CCNYL1: variants seen among roughly 807,000 people sequenced by gnomAD.
CCNYL1 encodes the protein cyclin-Y-like protein 1.
In CCNYL1, 16 loss-of-function variants were observed where a neutral mutation model predicts 44.2. That is an observed-to-expected ratio of 0.36 (90% CI 0.25 to 0.55). The LOEUF is 0.55. CCNYL1 is among the 20% of genes least tolerant of loss of function. The probability of loss-of-function intolerance (pLI) is 0.85; values close to 1 mark genes in which losing one functional copy is unlikely to be tolerated. For synonymous variants in CCNYL1, 159 were observed against 163.2 expected, an observed-to-expected ratio of 0.97 and a Z score of 0.20; for missense variants, 348 against 451.8, an observed-to-expected ratio of 0.77 and a Z score of 2.08.
rs1249237289 is a variant in CCNYL1 at position 207,755,058 on chromosome 2, A to G, written c.*1360A>G. 2.0e-5 allele frequency: 3 copies of G among 151,886 alleles called. No individual in the cohort carries two copies. Among genetic ancestry groups the G allele is most frequent in the Non-Finnish European group, 4.4e-5 (3 of 68,020 alleles). The allele number at this position is 151,886 out of a possible 1,614,324, so 9.4% of individuals were successfully genotyped here. A position where few individuals can be genotyped will look rare whatever the true frequency, so the allele number is the denominator to read the frequency against. ...ACCTGGACAACGTTATCAAGACCCC[A>G]TCTCTTAGAAAAATGCAAAATTAAA... On this transcript the variant is annotated 3_prime_UTR_variant, in exon 10 of 10. Transcript: ENST00000295414.
At position 207,737,800 on chromosome 2, in the gene CCNYL1, A is replaced by G. The variant is rs188954510; in HGVS notation, c.467+354A>G. Reference sequence around the variant, plus strand: ...GGGACTGTCCTGTGTATTGTAGGATATTTAACAGCTGTCCCAGGTTGTGAC... The same window carrying G: ...GGGACTGTCCTGTGTATTGTAGGATGTTTAACAGCTGTCCCAGGTTGTGAC... On this transcript the variant is annotated intron_variant, in intron 5 of 9. Transcript: ENST00000295414. Among the ~76,000 whole-genome samples the G allele has an allele frequency of 3.9e-5, 6 of 152,332 alleles. 1 individual carries two copies. Among genetic ancestry groups the G allele is most frequent in the African/African-American group, 1.4e-4 (6 of 41,568 alleles).
Position 207,742,078 on chromosome 2 carries a change from G to T in CCNYL1, c.520-145G>T, listed in dbSNP as rs561639712. On this transcript the variant is annotated intron_variant, in intron 6 of 9. Transcript: ENST00000295414. The stretch of plus-strand genomic sequence containing the variant: ...AGGCAGGAGAATCACTTAAACCCGG[G>T]GGGTAGAGGTTGCAGTGAGCCAAGA... 2.3e-4 allele frequency: 145 copies of T among 643,760 alleles called. 1 individual carries two copies. The highest frequency in any genetic ancestry group is 1.9e-3 in the South Asian group (75 of 40,434). 39.9% of individuals were successfully genotyped at this position (643,760 alleles called of 1,614,324 possible).
chr2:207,745,973 C>T (rs1559172494), intron 7 of CCNYL1, among the ~76,000 whole-genome samples: 1 of 152,164 alleles, frequency 6.6e-6, no homozygotes, highest in Non-Finnish European at 1.5e-5. Flanking sequence ...CATACTCTTC[C>T]ACAGAGAACC....
At chr2:207,750,359 G>A (rs1475801416) in intron 8 of CCNYL1, among the ~76,000 whole-genome samples, 2 of 152,190 alleles carry the variant, frequency 1.3e-5, no homozygotes, top group South Asian at 2.1e-4. Flanking sequence ...AGCCTCATGC[G>A]CCGGGACAGG....
In CCNYL1 at chr2:207,740,584, C is replaced by A. The variant is rs557313851; in HGVS notation, c.468-71C>A. On this transcript the variant is annotated intron_variant, in intron 5 of 9. Coordinates refer to ENST00000295414, the MANE Select transcript of CCNYL1 (RefSeq NM_001330218.2). ...AAACAGGAGGCATCTCCCGCCACCC[C>A]CAGCAGACATTTTACTCAGATATTA... The A allele has an allele frequency of 7.5e-5, 79 of 1,047,812 alleles. No individual in the cohort carries two copies. In the East Asian group the frequency reaches 1.8e-3, roughly 24 times the overall value. 64.9% of individuals were successfully genotyped at this position (1,047,812 alleles called of 1,614,324 possible).
intron 7 of CCNYL1, among the ~76,000 whole-genome samples, chr2:207,744,212 A>T (rs1039172669): frequency 6.7e-6 from 1 of 149,642 alleles, no homozygotes; most frequent in African/African-American, 2.5e-5. Context: ...AAGTGCCAAG[A>T]CTAGACAGGA....
At chr2:207,726,180 A>G (rs2091679133) in intron 2 of CCNYL1, among the ~76,000 whole-genome samples, 1 of 152,226 alleles carries the variant, frequency 6.6e-6, no homozygotes, top group Non-Finnish European at 1.5e-5. Context: ...GAGGCAGTAT[A>G]GGAAACAAAG....
rs1031932015 is a variant in CCNYL1 at position 207,711,790 on chromosome 2, G to A, written c.-107G>A. On this transcript the variant is annotated 5_prime_UTR_variant, in exon 1 of 10. Coordinates refer to ENST00000295414, the MANE Select transcript of CCNYL1 (RefSeq NM_001330218.2). ...GCGCGGTGCAGCCCCAGCGTAGCCC[G>A]GGGCTGCCGGTGCCGGCCGCGCCAT... The A allele has an allele frequency of 6.4e-5, 46 of 719,498 alleles. No individual in the cohort carries two copies. The highest frequency in any genetic ancestry group is 8.8e-5 in the Non-Finnish European group (44 of 498,362). 44.6% of individuals were successfully genotyped at this position (719,498 alleles called of 1,614,324 possible).
At chr2:207,727,792 C>T (rs2091691814) in intron 3 of CCNYL1, among the ~76,000 whole-genome samples, 1 of 152,124 alleles carries the variant, frequency 6.6e-6, no homozygotes, top group Non-Finnish European at 1.5e-5. Context: ...TGGGATCTCA[C>T]ATAACTGTCC....
chr2:207,747,022 C>T (rs1559172775), intron 7 of CCNYL1, 25 bp from the exon 8 acceptor site: 1 of 1,531,096 alleles, frequency 6.5e-7, no homozygotes, highest in Non-Finnish European at 8.9e-7. Flanking sequence ...GAACTAAAAT[C>T]AAAGACCAGT....
chr2:207,712,205 G>T (rs2091554445), intron 1 of CCNYL1, 89 bp downstream of exon 1: 3 of 1,131,210 alleles, frequency 2.7e-6, no homozygotes, highest in Non-Finnish European at 3.7e-6. Flanking sequence ...CGCCGCCTCG[G>T]GCTCCTTCCT....
chr2:207,720,958 C>T (rs1313504118), intron 1 of CCNYL1, among the ~76,000 whole-genome samples: 1 of 147,288 alleles, frequency 6.8e-6, no homozygotes, highest in East Asian at 2.1e-4. Flanking sequence ...CATGAGTGAG[C>T]ATGAGACTGG....
In CCNYL1 at chr2:207,727,365, C is replaced by T. The variant is rs144611301; in HGVS notation, c.330+489C>T. 1.7e-4 allele frequency among the ~76,000 whole-genome samples: 26 copies of T among 152,142 alleles called. No individual in the cohort carries two copies. In the East Asian group the frequency reaches 4.8e-3, roughly 28 times the overall value. On this transcript the variant is annotated intron_variant, in intron 3 of 9. Coordinates refer to ENST00000295414, the MANE Select transcript of CCNYL1 (RefSeq NM_001330218.2). ...ATGATTATACAGATATTATTCACTGCTGAGTCATATATTATTCTCACTGTC... is the reference window on the plus strand; with the variant it reads ...ATGATTATACAGATATTATTCACTGTTGAGTCATATATTATTCTCACTGTC...
chr2:207,725,550 T>G (rs576380511), intron 2 of CCNYL1, among the ~76,000 whole-genome samples: 4 of 152,236 alleles, frequency 2.6e-5, no homozygotes, highest in Non-Finnish European at 5.9e-5. Flanking sequence ...CAACAAAAAA[T>G]CAGTTCGTAT....
Position 207,751,225 on chromosome 2 carries a change from T to C in CCNYL1, c.969+106T>C, listed in dbSNP as rs1252014415. On this transcript the variant is annotated intron_variant, in intron 9 of 9. Coordinates refer to ENST00000295414, the MANE Select transcript of CCNYL1 (RefSeq NM_001330218.2). ...ATTAGGAAAATGGAAAGCTTTAAAA[T>C]TAACTAACACTGAAGAGCTTATTAG... is the stretch of plus-strand genomic sequence containing the variant. 7.1e-6 allele frequency: 7 copies of C among 992,430 alleles called. No homozygotes were observed. The East Asian group carries it at 1.5e-4, about 21-fold the overall frequency. 61.5% of individuals were successfully genotyped at this position (992,430 alleles called of 1,614,324 possible). A position where few individuals can be genotyped will look rare whatever the true frequency, so the allele number is the denominator to read the frequency against.
intron 9 of CCNYL1, among the ~76,000 whole-genome samples, chr2:207,753,076 C>T (rs547555091): frequency 1.4e-4 from 21 of 151,880 alleles, no homozygotes; most frequent in African/African-American, 4.1e-4. Flanking sequence ...CCATAATTAA[C>T]GTGCATGTGA....
chr2:207,721,468 G>A (rs1427675494), intron 1 of CCNYL1, among the ~76,000 whole-genome samples: 1 of 152,154 alleles, frequency 6.6e-6, no homozygotes, highest in Non-Finnish European at 1.5e-5. Context: ...AAATTGAGAT[G>A]GCTGATAGAT....
At chr2:207,740,090 C>T (rs1406380593) in intron 5 of CCNYL1, among the ~76,000 whole-genome samples, 1 of 152,098 alleles carries the variant, frequency 6.6e-6, no homozygotes, top group Admixed American at 6.6e-5. Flanking sequence ...CTTGGAGAAC[C>T]ACTGGTTTTA....
At chr2:207,736,722 A>G (rs1037626670) in intron 4 of CCNYL1, among the ~76,000 whole-genome samples, 2 of 152,240 alleles carry the variant, frequency 1.3e-5, no homozygotes, top group Non-Finnish European at 2.9e-5. Context: ...ACTGAAATGC[A>G]GAGCCTAACA....
Sources: gnomAD v4.1 joint callset for allele counts (sites outside exome capture counted in the v4.1 genomes callset) on GRCh38, gnomAD v4.1.1 for gene constraint, MANE v1.5 for transcripts, NCBI Gene and HGNC (gene_info 2026-07-23, HGNC 2026-07-21) for gene names.